Variants in DAB1 observed in about 807,000 individuals in gnomAD.
The protein encoded by DAB1 is DAB adaptor protein 1, also known as disabled homolog 1.
In DAB1, 15 loss-of-function variants were observed where a neutral mutation model predicts 64.6. That is an observed-to-expected ratio of 0.23 (90% confidence interval 0.16 to 0.36). The LOEUF is 0.36. Among genes scored for constraint, DAB1 ranks in the 10% least tolerant of loss-of-function variants. DAB1 has a pLI of 1.00. For missense variants in DAB1, 596 were observed against 706.7 expected, an observed-to-expected ratio of 0.84 and a Z score of 1.78; for synonymous variants, 235 against 251.9, an observed-to-expected ratio of 0.93 and a Z score of 0.64.
At chr1:58,486,608 G>A (rs1387292382) in intron 3 of DAB1, among the ~76,000 whole-genome samples, 7 of 152,082 alleles carry the variant, frequency 4.6e-5, no homozygotes, top group Non-Finnish European at 7.3e-5. Flanking sequence ...GTGTACAAAG[G>A]CCTTACACAC....
intron 7 of DAB1, among the ~76,000 whole-genome samples, chr1:57,480,223 T>C (rs1570559198): frequency 6.6e-6 from 1 of 151,668 alleles, no homozygotes; most frequent in East Asian, 1.9e-4. Flanking sequence ...TGAAATCATA[T>C]GGTGTCCTTT....
chr1:58,457,881 G>A (rs1316913669), intron 3 of DAB1, among the ~76,000 whole-genome samples: 1 of 152,190 alleles, frequency 6.6e-6, no homozygotes, highest in East Asian at 1.9e-4. Flanking sequence ...GGGAGAAAAG[G>A]CAAGAATGGT....
At chr1:57,125,396 G>C (rs1333734371) in intron 4 of DAB1, among the ~76,000 whole-genome samples, 1 of 152,124 alleles carries the variant, frequency 6.6e-6, no homozygotes, top group Admixed American at 6.6e-5. Flanking sequence ...TCCATACATA[G>C]TACCTACTTT....
intron 2 of DAB1, among the ~76,000 whole-genome samples, chr1:57,173,010 G>GT (rs1661941020): frequency 6.6e-6 from 1 of 152,094 alleles, no homozygotes; most frequent in African/African-American, 2.4e-5. Context: ...TAGTCTACCT[G>GT]TTGCCACTGA....
chr1:57,525,578 A>G (rs1374776108), intron 7 of DAB1, among the ~76,000 whole-genome samples: 1 of 152,198 alleles, frequency 6.6e-6, no homozygotes, highest in Non-Finnish European at 1.5e-5. Context: ...AAAACTGACT[A>G]TTGACATAAC....
At chr1:57,732,451 T>C (rs1647480597) in intron 6 of DAB1, among the ~76,000 whole-genome samples, 1 of 152,130 alleles carries the variant, frequency 6.6e-6, no homozygotes, top group African/African-American at 2.4e-5. Flanking sequence ...TTGAGACCAA[T>C]TGCTACGATT....
At chr1:57,684,343 A>T (rs2101702645) in intron 6 of DAB1, among the ~76,000 whole-genome samples, 1 of 152,154 alleles carries the variant, frequency 6.6e-6, no homozygotes, top group Non-Finnish European at 1.5e-5. Context: ...AGGTCAATGC[A>T]AAATAAAAAA....
At position 57,528,637 on chromosome 1, in the gene DAB1, G is replaced by GACACACAC. The variant is rs372009576; in HGVS notation, n.625+120947_625+120954dup. On this transcript the variant is annotated intron_variant and non_coding_transcript_variant, in intron 7 of 20. Transcript: ENST00000485760. ...TAATGGAAAATATTAAAAGCAGCAG[G>GACACACAC]ACACACACACACACACACACACACA... Among the ~76,000 whole-genome samples, 94 of 22,166 alleles carry GACACACAC rather than the reference G, an allele frequency of 4.2e-3. 1 individual carries two copies. Among genetic ancestry groups the GACACACAC allele is most frequent in the Admixed American group, 5.9e-3 (8 of 1,364 alleles). The allele number at this position is 22,166 out of a possible 152,430, so 14.5% of individuals were successfully genotyped here.
chr1:57,946,008 T>C (rs1182040123), intron 5 of DAB1, among the ~76,000 whole-genome samples: 2 of 152,176 alleles, frequency 1.3e-5, no homozygotes, highest in Admixed American at 6.5e-5. Context: ...AACAGGTCTG[T>C]AAACCACAGG....
intron 3 of DAB1, among the ~76,000 whole-genome samples, chr1:58,359,610 G>A (rs188240127): frequency 1.7e-3 from 256 of 151,640 alleles, no homozygotes; most frequent in Middle Eastern, 3.4e-3. Context: ...CTACCACCTG[G>A]CTCTGCATGC....
At chr1:57,583,913 A>G (rs916737588) in intron 7 of DAB1, among the ~76,000 whole-genome samples, 1 of 152,188 alleles carries the variant, frequency 6.6e-6, no homozygotes, top group African/African-American at 2.4e-5. Flanking sequence ...TTGCGGCCTT[A>G]GGGCTATGCT....
chr1:58,243,750 T>C (rs977268795), intron 4 of DAB1, among the ~76,000 whole-genome samples: 5 of 152,184 alleles, frequency 3.3e-5, no homozygotes, highest in African/African-American at 1.2e-4. Flanking sequence ...ACTTTACTAT[T>C]CTGATCACCG....
chr1:57,259,489 G>A (rs1670017096), intron 2 of DAB1, among the ~76,000 whole-genome samples: 1 of 152,172 alleles, frequency 6.6e-6, no homozygotes, highest in South Asian at 2.1e-4. Flanking sequence ...GAGAGAGGAA[G>A]AAGACTATTC....
chr1:57,367,853 T>G (rs1680183059), intron 1 of DAB1, among the ~76,000 whole-genome samples: 1 of 152,140 alleles, frequency 6.6e-6, no homozygotes, highest in Non-Finnish European at 1.5e-5. Flanking sequence ...CAGGCACAGC[T>G]GCAGCCTCCC....
chr1:58,266,548 G>C (rs1661167288), intron 4 of DAB1, among the ~76,000 whole-genome samples: 1 of 152,182 alleles, frequency 6.6e-6, no homozygotes, highest in African/African-American at 2.4e-5. Flanking sequence ...ATAAAGTAAA[G>C]ATAGTATTCC....
intron 7 of DAB1, among the ~76,000 whole-genome samples, chr1:57,542,670 GA>G (rs1435399151): frequency 6.6e-6 from 1 of 151,960 alleles, no homozygotes; most frequent in African/African-American, 2.4e-5. Flanking sequence ...GCAAGCTAAG[GA>G]TGCTCAGTTT....
At chr1:57,224,329 C>T (rs995321806) in intron 2 of DAB1, among the ~76,000 whole-genome samples, 1 of 152,186 alleles carries the variant, frequency 6.6e-6, no homozygotes, top group Non-Finnish European at 1.5e-5. Flanking sequence ...CCCCTGATCA[C>T]CACCTGAGTT....
intron 6 of DAB1, among the ~76,000 whole-genome samples, chr1:57,802,248 TGC>T (rs1358839991): frequency 2.6e-5 from 4 of 152,226 alleles, no homozygotes; most frequent in African/African-American, 9.7e-5. Context: ...TTACTTACTT[TGC>T]TGTTGTCCTT....
At chr1:57,052,057 G>A (rs80150077) in intron 9 of DAB1, among the ~76,000 whole-genome samples, 5,952 of 146,774 alleles carry the variant, frequency 0.041, 123 homozygotes, top group South Asian at 0.065. Flanking sequence ...TTTGTGATTT[G>A]GGTGAGGTTT....
Sources: allele counts gnomAD v4.1 joint callset (sites outside exome capture counted in the v4.1 genomes callset), GRCh38; gene constraint gnomAD v4.1.1; transcripts MANE v1.5; gene names NCBI Gene and HGNC (gene_info 2026-07-23, HGNC 2026-07-21).